The following GRM5 variants were observed in gnomAD, a reference collection of about 807,000 sequenced individuals.
GRM5 encodes metabotropic glutamate receptor 5.
In GRM5, 19 loss-of-function variants were observed where a neutral mutation model predicts 83.1. That is an observed-to-expected ratio of 0.23 (90% confidence interval 0.16 to 0.34). GRM5 has a LOEUF of 0.34. Among genes scored for constraint, GRM5 ranks in the 10% least tolerant of loss-of-function variants. GRM5 has a pLI of 1.00. For synonymous variants in GRM5, 675 were observed against 633.6 expected, an observed-to-expected ratio of 1.07 and a Z score of -0.98; for missense variants, 1,160 against 1,588.3, an observed-to-expected ratio of 0.73 and a Z score of 4.58.
At position 88,533,356 on chromosome 11, in the gene GRM5, A is replaced by G. The variant is rs914908491; in HGVS notation, c.2631-7952T>C. On this transcript the variant is annotated intron_variant, in intron 8 of 9. Coordinates refer to ENST00000305447, the MANE Select transcript of GRM5 (RefSeq NM_001143831.3). ...TCTGCCTTTAATGCTTTCATTAAAA[A>G]TATCCTCAAAGCTTACTTCTTTCAA... Among the ~76,000 whole-genome samples the G allele has an allele frequency of 7.2e-5, 11 of 152,162 alleles. No individual in the cohort carries two copies. In the East Asian group the frequency reaches 1.5e-3, roughly 21 times the overall value.
intron 3 of GRM5, among the ~76,000 whole-genome samples, chr11:88,831,296 G>T (rs1943989221): frequency 6.6e-6 from 1 of 152,190 alleles, no homozygotes; most frequent in Non-Finnish European, 1.5e-5. Context: ...CAAGTAGCAG[G>T]GCCATCATGC....
At chr11:88,734,770 C>T (rs1941878607) in intron 3 of GRM5, among the ~76,000 whole-genome samples, 1 of 151,856 alleles carries the variant, frequency 6.6e-6, no homozygotes, top group Admixed American at 6.6e-5. Context: ...ACACTTGGTA[C>T]AGTAAGTGCT....
At chr11:88,687,573 A>ATTATATATATAT (rs1401058819) in intron 3 of GRM5, among the ~76,000 whole-genome samples, 1 of 36,698 alleles carries the variant, frequency 2.7e-5, no homozygotes, top group African/African-American at 2.0e-4. Flanking sequence ...ATATATATAT[A>ATTATATATATAT]TATATAATAT....
At position 88,647,322 on chromosome 11, in the gene GRM5, C is replaced by A. The variant is rs537652819; in HGVS notation, c.1147+5846G>T. Among the ~76,000 whole-genome samples, 4 of 151,990 alleles carry A rather than the reference C, an allele frequency of 2.6e-5. No homozygotes were observed. The South Asian group carries it at 6.2e-4, about 24-fold the overall frequency. The stretch of plus-strand genomic sequence containing the variant: ...GAAAAGGTAGCAAGTGGTAATTCAA[C>A]CCAGTATAAGGCACTCCTTAAAAAA... On this transcript the variant is annotated intron_variant, in intron 4 of 9. Transcript: ENST00000305447.
chr11:88,890,950 T>C (rs1386973415), intron 2 of GRM5, among the ~76,000 whole-genome samples: 1 of 152,066 alleles, frequency 6.6e-6, no homozygotes, highest in Admixed American at 6.6e-5. Context: ...ACCATAGAAA[T>C]ATAAATATTG....
intron 7 of GRM5, among the ~76,000 whole-genome samples, chr11:88,576,483 A>G (rs968727761): frequency 6.6e-6 from 1 of 152,224 alleles, no homozygotes; most frequent in African/African-American, 2.4e-5. Context: ...GAATGAATGA[A>G]TGATTAACAA....
At chr11:88,742,337 C>T (rs528757382) in intron 3 of GRM5, among the ~76,000 whole-genome samples, 1 of 151,850 alleles carries the variant, frequency 6.6e-6, no homozygotes, top group Non-Finnish European at 1.5e-5. Context: ...TTATAAAAAA[C>T]AATTTTCTGA....
intron 2 of GRM5, among the ~76,000 whole-genome samples, chr11:89,001,766 A>G (rs116574647): frequency 0.041 from 6,257 of 152,276 alleles, 392 homozygotes; most frequent in African/African-American, 0.14. Context: ...TTATCTCAAA[A>G]TAAAGGGTTT....
intron 2 of GRM5, among the ~76,000 whole-genome samples, chr11:88,873,461 TA>T (rs1199811177): frequency 1.3e-5 from 2 of 151,284 alleles, no homozygotes; most frequent in Admixed American, 6.6e-5. Flanking sequence ...ATATGTGAAG[TA>T]AAAAAAATAC....
intron 4 of GRM5, among the ~76,000 whole-genome samples, chr11:88,613,159 G>T (rs964103950): frequency 6.6e-6 from 1 of 152,150 alleles, no homozygotes; most frequent in Non-Finnish European, 1.5e-5. Flanking sequence ...CAGACGAGAA[G>T]AATGTATATT....
intron 2 of GRM5, among the ~76,000 whole-genome samples, chr11:88,868,889 G>A (rs1024609313): frequency 2.0e-4 from 31 of 151,672 alleles, no homozygotes; most frequent in African/African-American, 5.8e-4. Context: ...TTCCCCTAGT[G>A]TTTTAACAAA....
At chr11:88,743,614 G>T (rs1309741110) in intron 3 of GRM5, among the ~76,000 whole-genome samples, 1 of 152,092 alleles carries the variant, frequency 6.6e-6, no homozygotes, top group African/African-American at 2.4e-5. Context: ...GGGCTTGCAG[G>T]ATTCAGAGCC....
intron 8 of GRM5, among the ~76,000 whole-genome samples, chr11:88,547,077 G>T (rs953986842): frequency 6.6e-6 from 1 of 152,210 alleles, no homozygotes; most frequent in East Asian, 1.9e-4. Context: ...TTAAAAAACA[G>T]TTTTACCTAT....
intron 2 of GRM5, among the ~76,000 whole-genome samples, chr11:88,864,178 C>T (rs1413245588): frequency 6.7e-6 from 1 of 149,066 alleles, no homozygotes; most frequent in African/African-American, 2.5e-5. Flanking sequence ...AGTCTGCCTA[C>T]AGTTGAGGCT....
intron 2 of GRM5, among the ~76,000 whole-genome samples, chr11:88,929,110 T>C (rs1937628572): frequency 6.6e-6 from 1 of 152,114 alleles, no homozygotes; most frequent in Admixed American, 6.6e-5. Context: ...AATAACCAAA[T>C]CATGGCACTA....
intron 2 of GRM5, among the ~76,000 whole-genome samples, chr11:88,856,280 T>C (rs1944474530): frequency 6.6e-6 from 1 of 152,148 alleles, no homozygotes; most frequent in Non-Finnish European, 1.5e-5. Context: ...AGCTTTTTAC[T>C]ATTTAATGTT....
rs116817532 is a variant in GRM5 at position 88,847,348 on chromosome 11, C to T, written c.911+2558G>A. Among the ~76,000 whole-genome samples the T allele has an allele frequency of 4.7e-3, 713 of 152,196 alleles. 4 individuals are homozygous for T. Among genetic ancestry groups the T allele is most frequent in the African/African-American group, 0.016 (674 of 41,538 alleles). ...CAAGCACTTTTACATATAGTAAACA[C>T]TCAACATTTGTCAAATAATGATTAA... On this transcript the variant is annotated intron_variant, in intron 3 of 9. Transcript: ENST00000305447.
At chr11:88,675,402 A>G (rs1940302673) in intron 3 of GRM5, among the ~76,000 whole-genome samples, 1 of 151,962 alleles carries the variant, frequency 6.6e-6, no homozygotes, top group Non-Finnish European at 1.5e-5. Flanking sequence ...AGAGAAAGAT[A>G]TGTCGGCAAT....
chr11:88,972,067 T>C (rs537635), intron 2 of GRM5, among the ~76,000 whole-genome samples: 65,294 of 151,926 alleles, frequency 0.43, 15,797 homozygotes, highest in South Asian at 0.65. Flanking sequence ...CATCTTAAAG[T>C]TCCCCTTGAT....
Sources: allele counts gnomAD v4.1 joint callset (sites outside exome capture counted in the v4.1 genomes callset), GRCh38; gene constraint gnomAD v4.1.1; transcripts MANE v1.5; gene names NCBI Gene and HGNC (gene_info 2026-07-23, HGNC 2026-07-21).